The following PRPSAP1 variants were observed in gnomAD, a reference collection of about 807,000 sequenced individuals.
The protein encoded by PRPSAP1 is phosphoribosyl pyrophosphate synthetase associated protein 1.
PRPSAP1 carries 31 observed loss-of-function variants against 39.4 expected under a neutral mutation model. The ratio of observed to expected loss-of-function variants is 0.79; its 90% CI spans 0.59 to 1.06. PRPSAP1 has a LOEUF of 1.06. Among genes scored for constraint, PRPSAP1 ranks in the 50% least tolerant of loss-of-function variants. The pLI, the probability that PRPSAP1 is intolerant of heterozygous loss-of-function variation, is 0.00. For synonymous variants in PRPSAP1, 212 were observed against 192.6 expected (o/e 1.10, Z -0.83); for missense variants, 430 against 511.6 (o/e 0.84, Z 1.54).
In PRPSAP1 at chr17:76,313,004, CAAT is replaced by C. The variant is rs771050089; in HGVS notation, c.862_864del (p.Ile288del). On this transcript the variant is annotated inframe_deletion, in exon 9 of 10. Transcript: ENST00000446526. ...GCAGCAACAAAACTCTCCACATCGT[CAAT>C]AATGTCATCCTGGGAGGAGAACAGA... is the stretch of plus-strand genomic sequence containing the variant. 9.9e-6 allele frequency: 16 copies of C among 1,613,544 alleles called. No homozygotes were observed. The East Asian group carries it at 3.3e-4, about 34-fold the overall frequency.
chr17:76,353,644 C>T lies in PRPSAP1; in HGVS notation c.60G>A (p.Pro20=), dbSNP rs2071606676. The T allele has an allele frequency of 1.3e-6, 2 of 1,534,630 alleles. No homozygotes were observed. Among genetic ancestry groups the T allele is most frequent in the African/African-American group, 1.4e-5 (1 of 70,020 alleles). Residue 20 remains proline (P), a synonymous_variant, in exon 1 of 10, where the codon CCG becomes CCA. Coordinates refer to ENST00000446526, the MANE Select transcript of PRPSAP1 (RefSeq NM_002766.3). ...CCGGCGGGGGAACGGGGCGGGCGCG[C>T]GGGACGCGGAAAGCCGAGGACGCGG... ...PPSASSAFRV[P]RARPVPPPAM...
In PRPSAP1 at chr17:76,310,939, A is replaced by C. The variant is rs972753049; in HGVS notation, c.*603T>G. On this transcript the variant is annotated 3_prime_UTR_variant, in exon 10 of 10. Transcript: ENST00000446526. ...CTAATGAAAAGACTAGCAAGACAACAAATTATTTTATTTGCAACTTCAGAG... is the reference window on the plus strand; with the variant it reads ...CTAATGAAAAGACTAGCAAGACAACCAATTATTTTATTTGCAACTTCAGAG... 2.0e-5 allele frequency: 3 copies of C among 152,156 alleles called. No homozygotes were observed. The highest frequency in any genetic ancestry group is 7.2e-5 in the African/African-American group (3 of 41,426). The allele number at this position is 152,156 out of a possible 1,614,324, so 9.4% of individuals were successfully genotyped here.
At chr17:76,332,700 C>T (rs1219833187) in intron 3 of PRPSAP1, among the ~76,000 whole-genome samples, 1 of 152,134 alleles carries the variant, frequency 6.6e-6, no homozygotes, top group African/African-American at 2.4e-5. Flanking sequence ...CTGTGTCATA[C>T]CCCGTTACTG....
chr17:76,323,250 G>A (rs768010719), intron 7 of PRPSAP1, among the ~76,000 whole-genome samples: 5 of 136,510 alleles, frequency 3.7e-5, no homozygotes, highest in Non-Finnish European at 4.7e-5. Flanking sequence ...AATGAGGCAC[G>A]AGAATCACCT....
chr17:76,317,240 C>G (rs1216239860), intron 7 of PRPSAP1, among the ~76,000 whole-genome samples: 1 of 152,120 alleles, frequency 6.6e-6, no homozygotes, highest in Non-Finnish European at 1.5e-5. Context: ...ATCTCAGCTA[C>G]TTGGGAGGCT....
intron 4 of PRPSAP1, 138 bp downstream of exon 4, chr17:76,332,125 C>T (rs1416812835): frequency 7.7e-6 from 8 of 1,044,142 alleles, no homozygotes; most frequent in Non-Finnish European, 9.7e-6. Flanking sequence ...ACCGAGCTCA[C>T]ATATCCTTAG....
At chr17:76,343,186 C>T (rs2071458603) in intron 3 of PRPSAP1, among the ~76,000 whole-genome samples, 1 of 152,206 alleles carries the variant, frequency 6.6e-6, no homozygotes, top group South Asian at 2.1e-4. Flanking sequence ...CTGATCAGGA[C>T]ATGAAGGTCT....
intron 3 of PRPSAP1, among the ~76,000 whole-genome samples, chr17:76,332,960 A>G (rs1001725026): frequency 1.2e-4 from 18 of 148,700 alleles, no homozygotes; most frequent in African/African-American, 4.2e-4. Flanking sequence ...GCGCGATCTC[A>G]GCTCACTGCA....
rs1487367889 is a variant in PRPSAP1, at chr17:76,353,410, G to A, written c.170+124C>T. 5 of 993,222 alleles carry A rather than the reference G, an allele frequency of 5.0e-6. No homozygotes were observed. The Admixed American group carries it at 2.0e-4, about 40-fold the overall frequency. 61.5% of individuals were successfully genotyped at this position (993,222 alleles called of 1,614,324 possible). ...TCACCTCCAAGCTTTGTCCGGCTGG[G>A]AAGGCCCGCGCCTCCCGCCCCAGGT... On this transcript the variant is annotated intron_variant, in intron 1 of 9. Coordinates refer to ENST00000446526, the MANE Select transcript of PRPSAP1 (RefSeq NM_002766.3).
At chr17:76,320,174 C>A (rs954149376) in intron 7 of PRPSAP1, among the ~76,000 whole-genome samples, 4 of 151,728 alleles carry the variant, frequency 2.6e-5, no homozygotes, top group African/African-American at 9.7e-5. Flanking sequence ...AGAGAACGAG[C>A]CACGAGAATC....
intron 1 of PRPSAP1, among the ~76,000 whole-genome samples, chr17:76,350,215 G>A (rs535917636): frequency 1.7e-4 from 26 of 152,052 alleles, no homozygotes; most frequent in East Asian, 3.9e-4. Context: ...CGAGGCGGGC[G>A]GATCACGAGG....
chr17:76,322,489 T>C (rs2143475551), intron 7 of PRPSAP1, among the ~76,000 whole-genome samples: 1 of 152,264 alleles, frequency 6.6e-6, no homozygotes, highest in East Asian at 1.9e-4. Context: ...TAATACAACA[T>C]CCATTCTGCA....
At chr17:76,318,178 G>A (rs1598517970) in intron 7 of PRPSAP1, among the ~76,000 whole-genome samples, 2 of 152,150 alleles carry the variant, frequency 1.3e-5, no homozygotes, top group African/African-American at 4.8e-5. Flanking sequence ...GGCCAGGTGC[G>A]GTGGCTCATG....
chr17:76,347,356 G>A (rs943781261), intron 2 of PRPSAP1, among the ~76,000 whole-genome samples: 24 of 151,580 alleles, frequency 1.6e-4, no homozygotes, highest in Non-Finnish European at 1.5e-4. Flanking sequence ...GTTTGGTGGC[G>A]TATGCCTGTA....
intron 7 of PRPSAP1, chr17:76,319,247 G>A (rs910919206): frequency 1.4e-4 from 21 of 151,582 alleles, no homozygotes; most frequent in African/African-American, 5.1e-4. Context: ...CTATTTCTCG[G>A]TCTTTATCCC....
intron 1 of PRPSAP1, chr17:76,353,268 T>G: frequency 2.2e-6 from 1 of 461,132 alleles, no homozygotes; most frequent in East Asian, 3.9e-5. Flanking sequence ...GGTGTGGGAC[T>G]GCGGAGACGA....
intron 5 of PRPSAP1, 188 bp downstream of exon 5, chr17:76,330,363 A>C: frequency 1.7e-6 from 1 of 604,270 alleles, no homozygotes; most frequent in South Asian, 2.2e-5. Flanking sequence ...TAGAAAAAAA[A>C]TCTGTTTTTA....
At chr17:76,341,076 C>G (rs2071431945) in intron 3 of PRPSAP1, among the ~76,000 whole-genome samples, 2 of 151,950 alleles carry the variant, frequency 1.3e-5, no homozygotes, top group Admixed American at 1.3e-4. Context: ...ATACATGTAA[C>G]AAAACAAAGA....
intron 3 of PRPSAP1, among the ~76,000 whole-genome samples, chr17:76,334,158 C>T (rs1489423036): frequency 2.6e-5 from 4 of 152,300 alleles, no homozygotes; most frequent in South Asian, 2.1e-4. Context: ...GGACTATCCA[C>T]GCATCCTCAA....
Sources: allele counts gnomAD v4.1 joint callset (sites outside exome capture counted in the v4.1 genomes callset), GRCh38; gene constraint gnomAD v4.1.1; transcripts MANE v1.5; gene names NCBI Gene and HGNC (gene_info 2026-07-23, HGNC 2026-07-21).